Variants in SUMF1 observed in about 807,000 individuals in gnomAD.
SUMF1 encodes sulfatase modifying factor 1, also known as formylglycine-generating enzyme.
A neutral mutation model predicts 47.6 loss-of-function variants in SUMF1; 48 were observed. The ratio of observed to expected loss-of-function variants is 1.01; its 90% confidence interval spans 0.80 to 1.28. The LOEUF is 1.28. Ranked by LOEUF, SUMF1 falls within the 50% of genes most tolerant of loss-of-function variation. The pLI, the probability that SUMF1 is intolerant of heterozygous loss-of-function variation, is 0.00. For missense variants in SUMF1, 571 were observed against 485.4 expected (o/e 1.18, Z -1.66); for synonymous variants, 230 against 192.1 (o/e 1.20, Z -1.63).
At chr3:4,418,416 G>T (rs1575198240) in intron 4 of SUMF1, among the ~76,000 whole-genome samples, 1 of 152,224 alleles carries the variant, frequency 6.6e-6, no homozygotes, top group East Asian at 1.9e-4. Context: ...TATGGCAGAT[G>T]CGGAGATACT....
chr3:4,133,408 G>A (rs1254699096), intron 8 of SUMF1, among the ~76,000 whole-genome samples: 2 of 152,086 alleles, frequency 1.3e-5, no homozygotes, highest in East Asian at 3.9e-4. Flanking sequence ...TTGACAAGGG[G>A]TGAACTTGTG....
At chr3:4,240,708 T>C (rs1696516671) in intron 8 of SUMF1, among the ~76,000 whole-genome samples, 1 of 152,054 alleles carries the variant, frequency 6.6e-6, no homozygotes. Flanking sequence ...TAAAATGTTA[T>C]AAAGCTCTTT....
In SUMF1 at chr3:4,449,342, T is replaced by C. The variant is rs1293658639; in HGVS notation, c.445-2A>G. On this transcript the variant is annotated splice_acceptor_variant, in intron 2 of 8. Coordinates refer to ENST00000272902, the MANE Select transcript of SUMF1 (RefSeq NM_182760.4). LOFTEE classifies it high-confidence loss of function. The stretch of plus-strand genomic sequence containing the variant: ...AAAGGAGTCGCCAAACTTCTCAGCC[T>C]ATAAGGAAGGTAGGAAATAAAAATC... 2 of 1,614,134 alleles carry C rather than the reference T, an allele frequency of 1.2e-6. No homozygotes were observed. Among genetic ancestry groups the C allele is most frequent in the Admixed American group, 3.3e-5 (2 of 60,028 alleles).
intron 8 of SUMF1, among the ~76,000 whole-genome samples, chr3:4,258,580 T>A (rs1025300005): frequency 6.6e-6 from 1 of 152,058 alleles, no homozygotes; most frequent in African/African-American, 2.4e-5. Context: ...CTCACACCAG[T>A]TAGAATGGCA....
intron 8 of SUMF1, among the ~76,000 whole-genome samples, chr3:4,304,923 T>C (rs1698124541): frequency 1.3e-5 from 2 of 151,536 alleles, no homozygotes; most frequent in Non-Finnish European, 2.9e-5. Context: ...ATCAAATACA[T>C]TTAACATGTA....
chr3:4,177,560 A>T (rs1694994319), intron 8 of SUMF1, among the ~76,000 whole-genome samples: 1 of 152,192 alleles, frequency 6.6e-6, no homozygotes, highest in Admixed American at 6.5e-5. Context: ...GGAAATTTAT[A>T]GCACTAAATG....
chr3:4,320,899 T>C (rs916760863), intron 8 of SUMF1, among the ~76,000 whole-genome samples: 1 of 152,118 alleles, frequency 6.6e-6, no homozygotes, highest in Non-Finnish European at 1.5e-5. Context: ...CAGGCCTCCA[T>C]GGGGGCAGCT....
intron 8 of SUMF1, among the ~76,000 whole-genome samples, chr3:4,260,326 A>G (rs1273009107): frequency 6.6e-6 from 1 of 152,238 alleles, no homozygotes; most frequent in African/African-American, 2.4e-5. Flanking sequence ...ACCAGGCAAT[A>G]AAACAGCCTA....
chr3:4,449,489 C>A (rs1559307531), intron 2 of SUMF1, 149 bp from the exon 3 acceptor site: 1 of 819,196 alleles, frequency 1.2e-6, no homozygotes, highest in Non-Finnish European at 2.0e-6. Context: ...TCAGAAATGA[C>A]CTAAAAGTCT....
chr3:4,126,457 T>A (rs902092896), intron 8 of SUMF1, among the ~76,000 whole-genome samples: 2 of 152,086 alleles, frequency 1.3e-5, no homozygotes, highest in Non-Finnish European at 2.9e-5. Flanking sequence ...TCTTTAAAAC[T>A]TTTTTTGCAG....
intron 9 of SUMF1, among the ~76,000 whole-genome samples, chr3:4,062,439 T>C (rs1362332547): frequency 6.6e-6 from 1 of 152,182 alleles, no homozygotes; most frequent in Non-Finnish European, 1.5e-5. Flanking sequence ...CTTATTGTTA[T>C]TATCAACTGT....
At chr3:4,384,135 G>T (rs1408285131) in intron 7 of SUMF1, among the ~76,000 whole-genome samples, 2 of 152,150 alleles carry the variant, frequency 1.3e-5, no homozygotes, top group Non-Finnish European at 2.9e-5. Flanking sequence ...TGAGGTATCA[G>T]CTAGTTCCAG....
intron 8 of SUMF1, among the ~76,000 whole-genome samples, chr3:4,211,641 A>G (rs779044720): frequency 2.6e-5 from 4 of 152,154 alleles, no homozygotes; most frequent in Non-Finnish European, 4.4e-5. Flanking sequence ...AAGATCTTCA[A>G]TTCTCCAAAA....
intron 8 of SUMF1, among the ~76,000 whole-genome samples, chr3:4,219,581 A>G (rs1421739574): frequency 6.6e-6 from 1 of 152,046 alleles, no homozygotes; most frequent in Admixed American, 6.6e-5. Context: ...GATGTTTTGG[A>G]CCCAAAATCT....
At chr3:4,134,682 A>G (rs1012907036) in intron 8 of SUMF1, among the ~76,000 whole-genome samples, 1 of 152,114 alleles carries the variant, frequency 6.6e-6, no homozygotes, top group Non-Finnish European at 1.5e-5. Flanking sequence ...CGAATCCAGG[A>G]GCTGGTTTTT....
chr3:4,190,693 T>C (rs1479841288), intron 8 of SUMF1, among the ~76,000 whole-genome samples: 2 of 152,164 alleles, frequency 1.3e-5, no homozygotes, highest in Non-Finnish European at 2.9e-5. Flanking sequence ...TAGACTATCA[T>C]AGAGGACAAA....
chr3:4,449,445 G>A, intron 2 of SUMF1, 105 bp from the exon 3 acceptor site: 1 of 1,153,030 alleles, frequency 8.7e-7, no homozygotes, highest in Non-Finnish European at 1.3e-6. Context: ...TTGTCCAATT[G>A]AACTTGAGTC....
intron 8 of SUMF1, among the ~76,000 whole-genome samples, chr3:4,273,542 C>A (rs1457203969): frequency 6.6e-6 from 1 of 151,910 alleles, no homozygotes; most frequent in Non-Finnish European, 1.5e-5. Flanking sequence ...ATGTCATGAG[C>A]AATCTTTGGA....
At chr3:4,230,421 A>G (rs576383298) in intron 8 of SUMF1, among the ~76,000 whole-genome samples, 1 of 152,136 alleles carries the variant, frequency 6.6e-6, no homozygotes, top group African/African-American at 2.4e-5. Flanking sequence ...ATAATTTGGT[A>G]AAATGGCTTA....
Sources: allele counts gnomAD v4.1 joint callset (sites outside exome capture counted in the v4.1 genomes callset), GRCh38; gene constraint gnomAD v4.1.1; transcripts MANE v1.5; gene names NCBI Gene and HGNC (gene_info 2026-07-23, HGNC 2026-07-21).